Variants in STAB2 observed in about 807,000 individuals in gnomAD.
STAB2 encodes stabilin 2, also known as stabilin-2.
In STAB2, 288 loss-of-function variants were observed where a neutral mutation model predicts 338.1. That is an observed-to-expected ratio of 0.85 (90% CI 0.77 to 0.94). The LOEUF is 0.94. Ranked by LOEUF, STAB2 falls within the 40% of genes least tolerant of loss-of-function variation. STAB2 has a pLI of 0.00. For missense variants in STAB2, 3,141 were observed against 3,210.1 expected, an observed-to-expected ratio of 0.98 and a Z score of 0.52; for synonymous variants, 1,202 against 1,193.3, an observed-to-expected ratio of 1.01 and a Z score of -0.15.
chr12:103,676,032 G>A lies in STAB2; in HGVS notation c.2646+11G>A. 1.3e-6 allele frequency: 2 copies of A among 1,511,808 alleles called. No homozygotes were observed. The highest frequency in any genetic ancestry group is 1.8e-6 in the Non-Finnish European group (2 of 1,110,088). 93.6% of individuals were successfully genotyped at this position (1,511,808 alleles called of 1,614,324 possible). A position where few individuals can be genotyped will look rare whatever the true frequency, so the allele number is the denominator to read the frequency against. On this transcript the variant is annotated intron_variant, in intron 24 of 68. Coordinates refer to ENST00000388887, the MANE Select transcript of STAB2 (RefSeq NM_017564.10). ...GGCTGTAGCCGCAATGTGAGTACTG[G>A]TCTTCATTTCCACCCTGCCTGGTTT...
intron 21 of STAB2, 21 bp from the exon 22 acceptor site, chr12:103,670,666 ATGGCCCATG>A (rs745444364): frequency 6.4e-7 from 1 of 1,569,116 alleles, no homozygotes; most frequent in East Asian, 2.2e-5. Flanking sequence ...ATGTGTCCTA[ATGGCCCATG>A]GGCCCTGCCT....
Position 103,638,007 on chromosome 12 carries a change from C to T in STAB2, c.710-9C>T. 6.2e-7 allele frequency: 1 copy of T among 1,604,326 alleles called. No homozygotes were observed. Among genetic ancestry groups the T allele is most frequent in the Non-Finnish European group, 8.5e-7 (1 of 1,172,254 alleles). On this transcript the variant is annotated splice_polypyrimidine_tract_variant and intron_variant, in intron 7 of 68. Coordinates refer to ENST00000388887, the MANE Select transcript of STAB2 (RefSeq NM_017564.10). ...CTAACTGCCTCTCATTTTGCTGTTG[C>T]CTCTCAAGCCATCAATCCATGTTTA... is the stretch of plus-strand genomic sequence containing the variant.
At chr12:103,707,879 G>A (rs1422506008) in intron 38 of STAB2, among the ~76,000 whole-genome samples, 1 of 152,154 alleles carries the variant, frequency 6.6e-6, no homozygotes, top group Non-Finnish European at 1.5e-5. Flanking sequence ...GTAATTATCT[G>A]CTTGCATTTG....
chr12:103,592,159 T>A (rs189261867), intron 2 of STAB2: 214 of 152,310 alleles, frequency 1.4e-3, no homozygotes, highest in African/African-American at 5.0e-3. Context: ...GGAGGTTAGA[T>A]TCTAATACGA....
chr12:103,683,331 T>TAAA (rs59684257), intron 26 of STAB2, 31 bp downstream of exon 26: 656 of 1,196,754 alleles, frequency 5.5e-4, no homozygotes, highest in South Asian at 8.6e-4. Flanking sequence ...TTTCATTACT[T>TAAA]AAAAAAAAAA....
intron 21 of STAB2, among the ~76,000 whole-genome samples, chr12:103,670,214 A>T (rs79030718): frequency 0.13 from 19,331 of 152,194 alleles, 1,335 homozygotes; most frequent in East Asian, 0.21. Flanking sequence ...AGGCCAGTAC[A>T]AATGACTGCG....
At chr12:103,656,872 G>A (rs1013945387) in intron 15 of STAB2, among the ~76,000 whole-genome samples, 4 of 150,230 alleles carry the variant, frequency 2.7e-5, no homozygotes, top group African/African-American at 9.8e-5. Flanking sequence ...ATTTTTAGTA[G>A]AGACGGGGTT....
chr12:103,599,515 A>T (rs765746791), intron 3 of STAB2, among the ~76,000 whole-genome samples: 14 of 152,142 alleles, frequency 9.2e-5, no homozygotes, highest in Non-Finnish European at 2.1e-4. Context: ...CAGTTCTGAG[A>T]CTTACTCCCT....
intron 66 of STAB2, among the ~76,000 whole-genome samples, chr12:103,761,740 C>T (rs1004473228): frequency 2.0e-5 from 3 of 152,096 alleles, no homozygotes; most frequent in African/African-American, 7.2e-5. Flanking sequence ...TCTCTGAGTC[C>T]CAATTTTCTC....
intron 44 of STAB2, among the ~76,000 whole-genome samples, chr12:103,723,096 CTT>C (rs992601298): frequency 2.0e-5 from 3 of 152,154 alleles, no homozygotes; most frequent in African/African-American, 4.8e-5. Context: ...ACCTGTGTCT[CTT>C]TTCTCCATGA....
At chr12:103,758,139 G>T (rs767648714) in intron 63 of STAB2, 31 bp from the exon 64 acceptor site, 1 of 1,613,382 alleles carries the variant, frequency 6.2e-7, no homozygotes, top group Admixed American at 1.7e-5. Context: ...ACCAGGGCTG[G>T]CCCCTCTGAT....
intron 25 of STAB2, among the ~76,000 whole-genome samples, chr12:103,679,619 T>C (rs1876715423): frequency 6.6e-6 from 1 of 152,146 alleles, no homozygotes; most frequent in South Asian, 2.1e-4. Context: ...GGGACAGGGA[T>C]AGAAAATCTG....
intron 59 of STAB2, among the ~76,000 whole-genome samples, chr12:103,750,085 T>C (rs77893303): frequency 6.6e-6 from 1 of 152,070 alleles, no homozygotes; most frequent in East Asian, 1.9e-4. Context: ...ATAGAGTTGT[T>C]GTGGGGATTA....
chr12:103,631,215 CAACA>C (rs1465509538), intron 5 of STAB2, among the ~76,000 whole-genome samples: 1 of 152,096 alleles, frequency 6.6e-6, no homozygotes, highest in African/African-American at 2.4e-5. Context: ...TATCTGCTAC[CAACA>C]GTGACTGAGT....
chr12:103,646,874 A>G (rs1873374265), intron 9 of STAB2, among the ~76,000 whole-genome samples: 1 of 152,210 alleles, frequency 6.6e-6, no homozygotes, highest in African/African-American at 2.4e-5. Context: ...TAGGGTTGTG[A>G]TAGAGGTATC....
intron 60 of STAB2, among the ~76,000 whole-genome samples, chr12:103,752,088 C>T (rs1883712714): frequency 6.6e-6 from 1 of 152,158 alleles, no homozygotes. Context: ...CCTGATGGTT[C>T]CGTTTCCAGG....
chr12:103,596,445 T>C (rs1193199155), intron 3 of STAB2, among the ~76,000 whole-genome samples: 2 of 152,192 alleles, frequency 1.3e-5, no homozygotes, highest in Non-Finnish European at 2.9e-5. Context: ...AGTGACTTTC[T>C]GCCTACTCCT....
intron 3 of STAB2, among the ~76,000 whole-genome samples, chr12:103,595,338 C>T (rs1956859133): frequency 2.0e-5 from 3 of 151,634 alleles, no homozygotes; most frequent in Admixed American, 2.0e-4. Context: ...GATTGGTTCT[C>T]TTTTGCTTTG....
At position 103,655,538 on chromosome 12, in the gene STAB2, A is replaced by G. The variant is rs779821735; in HGVS notation, c.1691A>G (p.Asn564Ser). The part of the protein sequence containing the change: ...TIFVPNNEAL[N>S]NMKDGTLDYL... Reference sequence around the variant, plus strand: ...TTTGTTCCAAATAATGAAGCATTGAATAACATGAAGGACGGCACTCTCGAT... The same window carrying G: ...TTTGTTCCAAATAATGAAGCATTGAGTAACATGAAGGACGGCACTCTCGAT... The change falls in exon 15 of 69, where the codon AAT becomes AGT. Residue 564 changes from asparagine (N) to serine (S), a missense_variant. Physicochemically the swap from Asn to Ser is conservative, Grantham distance 46. Transcript: ENST00000388887. 1 of 1,613,952 alleles carries G rather than the reference A, an allele frequency of 6.2e-7. No homozygotes were observed. The highest frequency in any genetic ancestry group is 8.5e-7 in the Non-Finnish European group (1 of 1,180,038).
Sources: gnomAD v4.1 joint callset for allele counts (sites outside exome capture counted in the v4.1 genomes callset) on GRCh38, gnomAD v4.1.1 for gene constraint, MANE v1.5 for transcripts, NCBI Gene and HGNC (gene_info 2026-07-23, HGNC 2026-07-21) for gene names.